Variants in WDPCP observed in about 807,000 individuals in gnomAD.
WDPCP encodes the protein WD repeat containing planar cell polarity effector.
WDPCP carries 71 observed loss-of-function variants against 93.1 expected under a neutral mutation model. The observed-to-expected ratio is 0.76, with a 90% CI of 0.63 to 0.93. WDPCP has a LOEUF of 0.93. Ranked by LOEUF, WDPCP falls within the 40% of genes least tolerant of loss-of-function variation. The probability of loss-of-function intolerance (pLI) is 0.00; values close to 1 mark genes in which losing one functional copy is unlikely to be tolerated. For synonymous variants in WDPCP, 315 were observed against 315.0 expected (o/e 1.00, Z 0.00); for missense variants, 844 against 887.4 (o/e 0.95, Z 0.62).
intron 10 of WDPCP, among the ~76,000 whole-genome samples, chr2:63,403,454 G>A (rs1300126256): frequency 6.6e-6 from 1 of 151,842 alleles, no homozygotes; most frequent in Non-Finnish European, 1.5e-5. Context: ...TGGTTGAAAT[G>A]GGCTATATTA....
At chr2:63,143,296 A>C (rs1049710885) in intron 17 of WDPCP, among the ~76,000 whole-genome samples, 1 of 151,844 alleles carries the variant, frequency 6.6e-6, no homozygotes, top group Non-Finnish European at 1.5e-5. Context: ...CCTTTACTTT[A>C]AGTTTATGTG....
intron 6 of WDPCP, among the ~76,000 whole-genome samples, chr2:63,449,553 A>G (rs1305493225): frequency 1.3e-5 from 2 of 152,154 alleles, no homozygotes; most frequent in African/African-American, 4.8e-5. Flanking sequence ...GGGCTTGGTA[A>G]TGCCAGGAAA....
intron 9 of WDPCP, among the ~76,000 whole-genome samples, 154 bp downstream of exon 9, chr2:63,433,591 A>G (rs1016902745): frequency 2.6e-5 from 4 of 152,216 alleles, no homozygotes; most frequent in Non-Finnish European, 4.4e-5. Flanking sequence ...CAGCCCTGGA[A>G]TTGTCTGGGT....
chr2:63,404,763 C>T, intron 9 of WDPCP, 106 bp from the exon 10 acceptor site: 2 of 1,357,912 alleles, frequency 1.5e-6, no homozygotes, highest in Non-Finnish European at 2.1e-6. Context: ...AAATCAATTA[C>T]TATCTTAAAC....
chr2:63,807,491 C>A (rs1187677978), intron 2 of WDPCP, among the ~76,000 whole-genome samples: 1 of 152,178 alleles, frequency 6.6e-6, no homozygotes, highest in Non-Finnish European at 1.5e-5. Context: ...TGGCACCACG[C>A]TTCTTATATA....
At chr2:63,682,943 A>G (rs1470409984) in intron 2 of WDPCP, among the ~76,000 whole-genome samples, 2 of 152,228 alleles carry the variant, frequency 1.3e-5, no homozygotes, top group Non-Finnish European at 2.9e-5. Flanking sequence ...AAAGTTAAAA[A>G]GCAGAGAAAT....
At chr2:63,606,120 G>A (rs963540745) in intron 3 of WDPCP, 50 of 1,206,936 alleles carry the variant, frequency 4.1e-5, no homozygotes, top group Non-Finnish European at 5.9e-5. Flanking sequence ...AGTGGCTCAC[G>A]CCTATAATCC....
intron 17 of WDPCP, among the ~76,000 whole-genome samples, chr2:63,139,191 A>T (rs1396457945): frequency 4.6e-5 from 7 of 152,124 alleles, no homozygotes; most frequent in Non-Finnish European, 1.0e-4. Flanking sequence ...ACACACACAC[A>T]CACACACACC....
At chr2:63,445,690 G>T (rs987920010) in intron 6 of WDPCP, among the ~76,000 whole-genome samples, 1 of 152,024 alleles carries the variant, frequency 6.6e-6, no homozygotes, top group African/African-American at 2.4e-5. Flanking sequence ...GGTAAAGGGA[G>T]GCATCTCAAA....
At chr2:63,408,622 C>T (rs2105238672) in intron 9 of WDPCP, among the ~76,000 whole-genome samples, 1 of 152,304 alleles carries the variant, frequency 6.6e-6, no homozygotes, top group South Asian at 2.1e-4. Context: ...AAGCCCTTTT[C>T]TTTCACAGCT....
rs1193967756 is a variant in WDPCP at position 63,378,529 on chromosome 2, C to T, written c.1625-20G>A. ...GCTGTGCTGTGGAATTCAAACATAG[C>T]AGCACTAAAACAAGTGAAAACTCCT... On this transcript the variant is annotated intron_variant, in intron 11 of 17. Transcript: ENST00000272321. 1.9e-6 allele frequency: 3 copies of T among 1,612,802 alleles called. No individual in the cohort carries two copies. Among genetic ancestry groups the T allele is most frequent in the East Asian group, 4.5e-5 (2 of 44,784 alleles).
At chr2:63,765,826 G>A (rs779053032) in intron 2 of WDPCP, among the ~76,000 whole-genome samples, 2 of 152,200 alleles carry the variant, frequency 1.3e-5, no homozygotes, top group Non-Finnish European at 2.9e-5. Flanking sequence ...TCATGACACT[G>A]ACTCTTCTAT....
chr2:63,520,393 G>A (rs1702838014), intron 1 of WDPCP, among the ~76,000 whole-genome samples: 2 of 152,084 alleles, frequency 1.3e-5, no homozygotes, highest in Admixed American at 6.5e-5. Context: ...CAGAACTCCT[G>A]CAGAATACTA....
intron 9 of WDPCP, among the ~76,000 whole-genome samples, chr2:63,424,049 C>T (rs780455132): frequency 1.3e-5 from 2 of 152,136 alleles, no homozygotes; most frequent in Non-Finnish European, 2.9e-5. Flanking sequence ...GGACAGCAAT[C>T]CTGGCCCTGA....
chr2:63,268,668 A>G (rs1682365566), intron 13 of WDPCP, among the ~76,000 whole-genome samples: 1 of 151,714 alleles, frequency 6.6e-6, no homozygotes, highest in Non-Finnish European at 1.5e-5. Context: ...TTTTTTGTAG[A>G]GACAAGTTTG....
At chr2:63,336,058 A>G (rs1040614657) in intron 12 of WDPCP, among the ~76,000 whole-genome samples, 1 of 152,236 alleles carries the variant, frequency 6.6e-6, no homozygotes, top group Non-Finnish European at 1.5e-5. Flanking sequence ...TTAGCATTTC[A>G]TCAAGAAATA....
intron 10 of WDPCP, among the ~76,000 whole-genome samples, chr2:63,390,875 C>A (rs1693179699): frequency 1.3e-5 from 2 of 152,134 alleles, no homozygotes; most frequent in African/African-American, 4.8e-5. Context: ...CAATAACAGG[C>A]TCTGAAGTTG....
chr2:63,524,552 G>T (rs1703178901), intron 1 of WDPCP, among the ~76,000 whole-genome samples: 1 of 152,214 alleles, frequency 6.6e-6, no homozygotes, highest in Admixed American at 6.5e-5. Context: ...CTAGCCATAT[G>T]CAGAAGATTG....
At chr2:63,155,913 C>G (rs1303532385) in intron 15 of WDPCP, among the ~76,000 whole-genome samples, 1 of 152,156 alleles carries the variant, frequency 6.6e-6, no homozygotes, top group Non-Finnish European at 1.5e-5. Context: ...TTTATCAAAT[C>G]TTTAGATTAA....
Sources: allele counts gnomAD v4.1 joint callset (sites outside exome capture counted in the v4.1 genomes callset), GRCh38; gene constraint gnomAD v4.1.1; transcripts MANE v1.5; gene names NCBI Gene and HGNC (gene_info 2026-07-23, HGNC 2026-07-21).